SHB: variants seen among roughly 807,000 people sequenced by gnomAD.
SHB encodes SH2 domain-containing adapter protein B.
In SHB, 20 loss-of-function variants were observed where a neutral mutation model predicts 52.3. That is an observed-to-expected ratio of 0.38 (90% CI 0.27 to 0.56). SHB has a LOEUF of 0.56. SHB is among the 20% of genes least tolerant of loss of function. The probability of loss-of-function intolerance (pLI) is 0.71; values close to 1 mark genes in which losing one functional copy is unlikely to be tolerated. For synonymous variants in SHB, 397 were observed against 316.5 expected, an observed-to-expected ratio of 1.25 and a Z score of -2.70; for missense variants, 825 against 723.3, an observed-to-expected ratio of 1.14 and a Z score of -1.61.
chr9:37,969,059 C>A (rs1474297036), intron 3 of SHB, among the ~76,000 whole-genome samples: 1 of 152,222 alleles, frequency 6.6e-6, no homozygotes, highest in Non-Finnish European at 1.5e-5. Context: ...TGGGAAGCCA[C>A]CACCCAGTTA....
intron 1 of SHB, among the ~76,000 whole-genome samples, chr9:38,066,679 G>A (rs1821964873): frequency 6.6e-6 from 1 of 152,198 alleles, no homozygotes; most frequent in Non-Finnish European, 1.5e-5. Flanking sequence ...CAGGGGAGGG[G>A]ATATTCTGGG....
Position 37,917,482 on chromosome 9 carries a change from C to T in SHB, c.*2339G>A, listed in dbSNP as rs1165041023. 2.6e-5 allele frequency among the ~76,000 whole-genome samples: 4 copies of T among 152,170 alleles called. No individual in the cohort carries two copies. The highest frequency in any genetic ancestry group is 1.3e-4 in the Admixed American group (2 of 15,284). On this transcript the variant is annotated 3_prime_UTR_variant, in exon 6 of 6. Transcript: ENST00000377707. ...GTCTACAGGGAAGGACCGTGAGGTG[C>T]GGCCCCACCCAGCAGCCTCAGGAAG...
At position 38,067,934 on chromosome 9, in the gene SHB, CCTT is replaced by C. The variant is rs767925257; in HGVS notation, c.709_711del (p.Lys237del). The C allele has an allele frequency of 1.8e-5, 27 of 1,531,564 alleles. No homozygotes were observed. The highest frequency in any genetic ancestry group is 1.9e-4 in the Middle Eastern group (1 of 5,168). The allele number at this position is 1,531,564 out of a possible 1,614,324, so 94.9% of individuals were successfully genotyped here. On this transcript the variant is annotated inframe_deletion, in exon 1 of 6. Coordinates refer to ENST00000377707, the MANE Select transcript of SHB (RefSeq NM_003028.3). ...GAGGCCAAGGGGCACCTTACCTTGT[CCTT>C]CTTGCCGGCCCCGCTCTCCTCCGCG...
At chr9:37,929,899 T>C (rs1587195541) in intron 5 of SHB, among the ~76,000 whole-genome samples, 1 of 152,272 alleles carries the variant, frequency 6.6e-6, no homozygotes, top group East Asian at 1.9e-4. Context: ...TAGGAGTTTG[T>C]GAGACCAGCC....
intron 2 of SHB, among the ~76,000 whole-genome samples, chr9:38,004,833 G>A (rs900753654): frequency 1.3e-5 from 2 of 152,224 alleles, no homozygotes; most frequent in African/African-American, 4.8e-5. Flanking sequence ...ATCAGCTGAG[G>A]TGCCAGGGAC....
In SHB at chr9:37,956,039, T is replaced by A; in HGVS notation, c.1070A>T (p.Asn357Ile). Residue 357 changes from asparagine (N) to isoleucine (I), a missense_variant, in exon 4 of 6, where the codon AAC becomes ATC. Transcript: ENST00000377707. ...IPALAAQFNG[N>I]EKRQSSPSPS... is the part of the protein sequence containing the mutation. ...TGAGGGGGATGACTGCCGCTTCTCG[T>A]TGCCATTAAACTGTGCTGTGGGGAG... is the stretch of plus-strand genomic sequence containing the variant. 1 of 1,564,946 alleles carries A rather than the reference T, an allele frequency of 6.4e-7. No homozygotes were observed. The highest frequency in any genetic ancestry group is 8.7e-7 in the Non-Finnish European group (1 of 1,154,180).
chr9:38,034,647 C>T (rs530534509), intron 1 of SHB, among the ~76,000 whole-genome samples: 1 of 152,338 alleles, frequency 6.6e-6, no homozygotes, highest in African/African-American at 2.4e-5. Flanking sequence ...CTTGCATGCC[C>T]CCAACAGATA....
intron 5 of SHB, among the ~76,000 whole-genome samples, chr9:37,941,807 A>C (rs1419333606): frequency 6.6e-6 from 1 of 152,104 alleles, no homozygotes; most frequent in Non-Finnish European, 1.5e-5. Context: ...CATGGGAGCA[A>C]GCAACCACCA....
intron 1 of SHB, among the ~76,000 whole-genome samples, chr9:38,019,426 C>T (rs1258907593): frequency 1.3e-5 from 2 of 152,212 alleles, no homozygotes; most frequent in South Asian, 2.1e-4. Context: ...CTCTCTGGAA[C>T]GCACACTGCT....
intron 2 of SHB, among the ~76,000 whole-genome samples, chr9:38,004,140 C>A (rs1488654719): frequency 1.3e-5 from 2 of 152,176 alleles, no homozygotes; most frequent in South Asian, 2.1e-4. Context: ...CTCCAGGTTT[C>A]TTACTGGAAA....
intron 5 of SHB, among the ~76,000 whole-genome samples, chr9:37,928,099 C>T (rs931668675): frequency 2.6e-5 from 4 of 152,308 alleles, no homozygotes; most frequent in African/African-American, 9.6e-5. Context: ...ATTGGCTGGG[C>T]AAGTCCCCTC....
chr9:38,016,161 C>A, intron 1 of SHB, 30 bp from the exon 2 acceptor site: 3 of 1,612,412 alleles, frequency 1.9e-6, no homozygotes, highest in Non-Finnish European at 2.5e-6. Flanking sequence ...AGGTGTGAGT[C>A]CACCTTTGGC....
intron 1 of SHB, among the ~76,000 whole-genome samples, chr9:38,038,964 G>C (rs1008615541): frequency 6.6e-6 from 1 of 152,208 alleles, no homozygotes; most frequent in Non-Finnish European, 1.5e-5. Flanking sequence ...GTGAGGAGAT[G>C]GAAGTTTTTT....
intron 1 of SHB, among the ~76,000 whole-genome samples, chr9:38,019,748 C>A (rs187844191): frequency 7.6e-6 from 1 of 132,448 alleles, no homozygotes; most frequent in East Asian, 2.0e-4. Flanking sequence ...GTATTTATTC[C>A]CAAATGTGCA....
chr9:37,974,102 A>C (rs1160355367), intron 3 of SHB, among the ~76,000 whole-genome samples: 1 of 152,060 alleles, frequency 6.6e-6, no homozygotes, highest in Non-Finnish European at 1.5e-5. Context: ...TAAAAATACA[A>C]AAAATTAGCT....
chr9:38,030,570 G>A (rs1164968651), intron 1 of SHB, among the ~76,000 whole-genome samples: 1 of 152,180 alleles, frequency 6.6e-6, no homozygotes, highest in African/African-American at 2.4e-5. Flanking sequence ...ATCAGGGACT[G>A]ATGTTTATAG....
intron 2 of SHB, among the ~76,000 whole-genome samples, chr9:37,976,418 C>A (rs531916046): frequency 6.6e-6 from 1 of 152,284 alleles, no homozygotes; most frequent in African/African-American, 2.4e-5. Flanking sequence ...TTGGCACCAT[C>A]CATCTCTAGA....
Position 37,974,803 on chromosome 9 carries a change from A to C in SHB, c.873T>G (p.His291Gln), listed in dbSNP as rs375831933. ...FQRQESVRSQ[H>Q]KGIQLYDTPY... ...GGGTGTCATATAACTGGATACCTTT[A>C]TGCTGGGACCGGACACTTTCCTGCC... The change falls in exon 3 of 6, where the codon CAT becomes CAG. Residue 291 changes from histidine to glutamine, a missense_variant. By Grantham distance (24) the His-to-Gln change is conservative. Transcript: ENST00000377707. The C allele has an allele frequency of 1.2e-6, 2 of 1,614,076 alleles. No homozygotes were observed. Among genetic ancestry groups the C allele is most frequent in the Non-Finnish European group, 1.7e-6 (2 of 1,179,984 alleles).
chr9:38,009,152 G>C (rs1025880372), intron 2 of SHB, among the ~76,000 whole-genome samples: 1 of 152,238 alleles, frequency 6.6e-6, no homozygotes, highest in Admixed American at 6.5e-5. Context: ...CGGTCTCCGG[G>C]AGAGTTCATT....
Sources: gnomAD v4.1 joint callset for allele counts (sites outside exome capture counted in the v4.1 genomes callset) on GRCh38, gnomAD v4.1.1 for gene constraint, MANE v1.5 for transcripts, NCBI Gene and HGNC (gene_info 2026-07-23, HGNC 2026-07-21) for gene names.